Variants in SUMF1 observed in about 807,000 individuals in gnomAD.
SUMF1 encodes the protein sulfatase modifying factor 1, also known as formylglycine-generating enzyme.
In SUMF1, 48 loss-of-function variants were observed where a neutral mutation model predicts 47.6. The observed-to-expected ratio is 1.01, with a 90% confidence interval of 0.80 to 1.28. The LOEUF is 1.28. SUMF1 is among the 50% of genes most tolerant of loss of function. The pLI is 0.00. For synonymous variants in SUMF1, 230 were observed against 192.1 expected (o/e 1.20, Z -1.63); for missense variants, 571 against 485.4 (o/e 1.18, Z -1.66).
At position 4,089,707 on chromosome 3, in the gene SUMF1, T is replaced by A. The variant is rs536536282; in HGVS notation, c.1015-20962A>T. ...AACCTATGCAATTCCTAACTCATTC[T>A]TTGAAACTCAACTACCACCTTTTAG... is the stretch of plus-strand genomic sequence containing the variant. On this transcript the variant is annotated intron_variant and NMD_transcript_variant, in intron 8 of 12. Transcript: ENST00000448413. Among the ~76,000 whole-genome samples the A allele has an allele frequency of 9.8e-5, 15 of 152,314 alleles. No homozygotes were observed. In the South Asian group the frequency reaches 2.7e-3, roughly 27 times the overall value.
At chr3:4,101,015 A>G (rs1275076921) in intron 8 of SUMF1, among the ~76,000 whole-genome samples, 1 of 152,066 alleles carries the variant, frequency 6.6e-6, no homozygotes, top group Admixed American at 6.6e-5. Flanking sequence ...AAGTATTGCC[A>G]AGGATGTGAA....
chr3:4,214,502 G>C (rs1559574287), intron 8 of SUMF1, among the ~76,000 whole-genome samples: 4 of 152,042 alleles, frequency 2.6e-5, no homozygotes, highest in Admixed American at 2.6e-4. Context: ...AAGAACTCGA[G>C]AAGCAACAGC....
intron 9 of SUMF1, among the ~76,000 whole-genome samples, chr3:4,045,848 T>G (rs919474933): frequency 1.3e-5 from 2 of 152,050 alleles, no homozygotes; most frequent in Non-Finnish European, 2.9e-5. Context: ...CTAAAGTATA[T>G]GAGGTCTATG....
rs1559577944 is a variant in SUMF1, at chr3:4,217,512, T to TATATATATATATATA, written c.1015-148768_1015-148767insTATATATATATATAT. Among the ~76,000 whole-genome samples the TATATATATATATATA allele has an allele frequency of 3.8e-4, 18 of 47,498 alleles. 1 individual carries two copies. The highest frequency in any genetic ancestry group is 1.8e-3 in the African/African-American group (16 of 8,850). The allele number at this position is 47,498 out of a possible 152,430, so 31.2% of individuals were successfully genotyped here. A position where few individuals can be genotyped will look rare whatever the true frequency, so the allele number is the denominator to read the frequency against. On this transcript the variant is annotated intron_variant and NMD_transcript_variant, in intron 8 of 12. Coordinates refer to the SUMF1 transcript ENST00000448413. ...CATGTATCCCAGAACTTAAAGTATT[T>TATATATATATATATA]TTTATATATATATATATATATATAT... is the stretch of plus-strand genomic sequence containing the variant.
intron 8 of SUMF1, among the ~76,000 whole-genome samples, chr3:4,176,271 T>C (rs140290809): frequency 3.3e-5 from 5 of 152,232 alleles, no homozygotes; most frequent in African/African-American, 1.2e-4. Flanking sequence ...GGAAAAAGTA[T>C]TAAGGGCAGC....
At chr3:4,050,941 A>T (rs933451295) in intron 9 of SUMF1, among the ~76,000 whole-genome samples, 4 of 151,858 alleles carry the variant, frequency 2.6e-5, no homozygotes, top group African/African-American at 9.7e-5. Flanking sequence ...TAATTCCTCC[A>T]AATATATTAA....
chr3:4,203,251 T>A lies in SUMF1; in HGVS notation c.1015-134506A>T, dbSNP rs537914835. Among the ~76,000 whole-genome samples the A allele has an allele frequency of 5.3e-5, 8 of 152,156 alleles. No individual in the cohort carries two copies. In the East Asian group the frequency reaches 1.5e-3, roughly 29 times the overall value. ...CTCTTTAGCTCTAATAATATTTGCT[T>A]TATATATTTGGGTGCTTCAGTGTTG... is the stretch of plus-strand genomic sequence containing the variant. On this transcript the variant is annotated intron_variant and NMD_transcript_variant, in intron 8 of 12. Transcript: ENST00000448413.
In SUMF1 at chr3:4,281,178, C is replaced by T. The variant is rs187467850; in HGVS notation, c.1014+95152G>A. The stretch of plus-strand genomic sequence containing the variant: ...GAGCATGGTGAAGAGTATAACATGC[C>T]CTTTGACGGAGCTCCTCTGTGCAGC... On this transcript the variant is annotated intron_variant and NMD_transcript_variant, in intron 8 of 12. Coordinates refer to the SUMF1 transcript ENST00000448413. Among the ~76,000 whole-genome samples, 809 of 151,988 alleles carry T rather than the reference C, an allele frequency of 5.3e-3. 3 individuals are homozygous for T. Among genetic ancestry groups the T allele is most frequent in the Non-Finnish European group, 7.9e-3 (539 of 67,972 alleles).
intron 8 of SUMF1, among the ~76,000 whole-genome samples, chr3:4,233,401 G>C (rs1259632291): frequency 6.6e-6 from 1 of 151,852 alleles, no homozygotes; most frequent in Non-Finnish European, 1.5e-5. Context: ...TTTTTTATGA[G>C]CCGTTTTCAT....
chr3:4,387,644 T>C (rs1000114950), intron 7 of SUMF1, among the ~76,000 whole-genome samples: 7 of 152,014 alleles, frequency 4.6e-5, no homozygotes, highest in African/African-American at 1.7e-4. Flanking sequence ...AGTTTTCTCC[T>C]TTTTCTTCTG....
intron 8 of SUMF1, among the ~76,000 whole-genome samples, chr3:4,184,409 T>C (rs909436802): frequency 1.3e-5 from 2 of 151,522 alleles, no homozygotes; most frequent in African/African-American, 4.9e-5. Context: ...GGAGCCAAGA[T>C]CATGCTGCTG....
At chr3:4,115,082 A>C (rs1173289702) in intron 8 of SUMF1, among the ~76,000 whole-genome samples, 1 of 151,876 alleles carries the variant, frequency 6.6e-6, no homozygotes, top group African/African-American at 2.4e-5. Context: ...GTGCCTATGA[A>C]AACCCCAAGA....
intron 8 of SUMF1, among the ~76,000 whole-genome samples, chr3:4,297,642 TC>T (rs1697881407): frequency 6.8e-6 from 1 of 146,802 alleles, no homozygotes; most frequent in Non-Finnish European, 1.5e-5. Context: ...CCTTGAGCCA[TC>T]CTCCATCCTC....
At chr3:4,312,356 G>A (rs1435063092) in intron 8 of SUMF1, among the ~76,000 whole-genome samples, 1 of 151,954 alleles carries the variant, frequency 6.6e-6, no homozygotes, top group Non-Finnish European at 1.5e-5. Flanking sequence ...AGATAAGAGG[G>A]AAACAAAAGA....
chr3:4,367,806 C>A (rs1052867988), intron 8 of SUMF1, among the ~76,000 whole-genome samples: 13 of 151,562 alleles, frequency 8.6e-5, no homozygotes, highest in African/African-American at 3.1e-4. Context: ...AAACTGGATC[C>A]CTTCCTTACA....
chr3:4,349,818 AC>A (rs1699449444), intron 8 of SUMF1, among the ~76,000 whole-genome samples: 1 of 151,984 alleles, frequency 6.6e-6, no homozygotes, highest in East Asian at 1.9e-4. Context: ...GGAACAACAC[AC>A]ACCAGGGCCA....
intron 9 of SUMF1, among the ~76,000 whole-genome samples, chr3:4,050,151 A>T (rs1211608291): frequency 4.0e-5 from 6 of 151,832 alleles, no homozygotes; most frequent in Non-Finnish European, 8.8e-5. Context: ...TGGGCATGAA[A>T]ACAGGAATGC....
chr3:4,044,222 G>A (rs1303941623), intron 9 of SUMF1, among the ~76,000 whole-genome samples: 2 of 152,116 alleles, frequency 1.3e-5, no homozygotes, highest in African/African-American at 4.8e-5. Context: ...TTCAGTTCAG[G>A]ATTTCTGAGA....
At chr3:4,271,914 T>C (rs987245004) in intron 8 of SUMF1, among the ~76,000 whole-genome samples, 2 of 152,162 alleles carry the variant, frequency 1.3e-5, no homozygotes, top group African/African-American at 4.8e-5. Flanking sequence ...ATGAAGACTA[T>C]TCCTACATAG....
Sources: gnomAD v4.1 joint callset for allele counts (sites outside exome capture counted in the v4.1 genomes callset) on GRCh38, gnomAD v4.1.1 for gene constraint, MANE v1.5 for transcripts, NCBI Gene and HGNC (gene_info 2026-07-23, HGNC 2026-07-21) for gene names.